The following SNX5 variants were observed in gnomAD, a reference collection of about 807,000 sequenced individuals.
SNX5 encodes the protein sorting nexin-5.
In SNX5, 31 loss-of-function variants were observed where a neutral mutation model predicts 53.9. The ratio of observed to expected loss-of-function variants is 0.58; its 90% CI spans 0.43 to 0.78. The LOEUF is 0.78. SNX5 is among the 30% of genes least tolerant of loss of function. The pLI is 0.00. For missense variants in SNX5, 471 were observed against 478.8 expected, an observed-to-expected ratio of 0.98 and a Z score of 0.15; for synonymous variants, 168 against 171.1, an observed-to-expected ratio of 0.98 and a Z score of 0.14.
Position 17,964,032 on chromosome 20 carries a change from C to T in SNX5, c.51+4343G>A, listed in dbSNP as rs540252586. On this transcript the variant is annotated intron_variant, in intron 1 of 12. Transcript: ENST00000377759. ...ATGGCCTGAGCTCAGGAGTTCGATA[C>T]CAGCTTGGGCAACACAGCAAGACTG... Among the ~76,000 whole-genome samples, 10 of 152,170 alleles carry T rather than the reference C, an allele frequency of 6.6e-5. No individual in the cohort carries two copies. The South Asian group carries it at 2.1e-3, about 32-fold the overall frequency.
intron 3 of SNX5, among the ~76,000 whole-genome samples, chr20:17,954,996 C>T (rs2035328338): frequency 6.6e-6 from 1 of 152,124 alleles, no homozygotes; most frequent in Non-Finnish European, 1.5e-5. Context: ...AAAGGCATGG[C>T]CTCCTTCAGC....
intron 11 of SNX5, chr20:17,945,093 C>G (rs751250665): frequency 6.6e-6 from 1 of 152,254 alleles, no homozygotes; most frequent in Non-Finnish European, 1.5e-5. Context: ...AACTACAATA[C>G]AAGCAGCCAC....
rs572122557 is a variant in SNX5, at chr20:17,949,276, G to A, written c.792-173C>T. Among the ~76,000 whole-genome samples, 3 of 152,252 alleles carry A rather than the reference G, an allele frequency of 2.0e-5. No individual in the cohort carries two copies. The South Asian group carries it at 6.2e-4, about 32-fold the overall frequency. On this transcript the variant is annotated intron_variant, in intron 8 of 12. Transcript: ENST00000377759. Reference sequence around the variant, plus strand: ...CTGACCCCAAATAGTAGAGAAAATGGTCACAAAATTACACACATGTACAGC... The same window carrying A: ...CTGACCCCAAATAGTAGAGAAAATGATCACAAAATTACACACATGTACAGC...
intron 3 of SNX5, 64 bp downstream of exon 3, chr20:17,955,301 T>C (rs1338671277): frequency 1.8e-6 from 2 of 1,142,308 alleles, no homozygotes; most frequent in Non-Finnish European, 2.6e-6. Flanking sequence ...GATATAAGTC[T>C]CTTTTAAACT....
chr20:17,963,328 C>T (rs1449032462), intron 1 of SNX5, among the ~76,000 whole-genome samples: 1 of 152,064 alleles, frequency 6.6e-6, no homozygotes, highest in Non-Finnish European at 1.5e-5. Flanking sequence ...CACCTAGGCT[C>T]GGTGGCCTAT....
chr20:17,952,507 A>C, intron 5 of SNX5, 80 bp downstream of exon 5: 8 of 1,354,852 alleles, frequency 5.9e-6, no homozygotes, highest in Non-Finnish European at 8.0e-6. Context: ...CAAAACTTTA[A>C]AGCAGTAGAA....
Position 17,968,480 on chromosome 20 carries a change from G to C in SNX5, c.-55C>G. On this transcript the variant is annotated 5_prime_UTR_variant, in exon 1 of 13. Transcript: ENST00000377759. ...TGGCTGTGCGAGGAAAGAAGAAGCT[G>C]GGCCGCCGCCGCCGCCGCCTGGGCG... 7.8e-7 allele frequency: 1 copy of C among 1,287,024 alleles called. No individual in the cohort carries two copies. The highest frequency in any genetic ancestry group is 3.1e-5 in the East Asian group (1 of 32,042). 79.7% of individuals were successfully genotyped at this position (1,287,024 alleles called of 1,614,324 possible). A position where few individuals can be genotyped will look rare whatever the true frequency, so the allele number is the denominator to read the frequency against.
chr20:17,947,448 T>A (rs2039501108), intron 11 of SNX5, 38 bp downstream of exon 11: 1 of 1,586,172 alleles, frequency 6.3e-7, no homozygotes, highest in African/African-American at 1.4e-5. Flanking sequence ...GAAATTATTT[T>A]CAAATTACAG....
chr20:17,951,074 T>G (rs530457104), intron 6 of SNX5: 1 of 161,320 alleles, frequency 6.2e-6, no homozygotes, highest in Non-Finnish European at 1.4e-5. Context: ...GCTAACGCCT[T>G]GAAATCCAGT....
In SNX5 at chr20:17,967,932, C is replaced by T. The variant is rs984141; in HGVS notation, c.51+443G>A. ...ATGCAATTTCCCAAGTTGTTTGGGC[C>T]CCCCCCCCAAAAAAGTCTTCTCAGT... On this transcript the variant is annotated intron_variant, in intron 1 of 12. Transcript: ENST00000377759. The T allele has an allele frequency of 0.01, 3,883 of 379,836 alleles. 220 individuals are homozygous for T. In the East Asian group the frequency reaches 0.12, roughly 12 times the overall value. 23.5% of individuals were successfully genotyped at this position (379,836 alleles called of 1,614,324 possible). A position where few individuals can be genotyped will look rare whatever the true frequency, so the allele number is the denominator to read the frequency against.
At chr20:17,947,892 G>T (rs199774714) in intron 10 of SNX5, among the ~76,000 whole-genome samples, 1 of 81,002 alleles carries the variant, frequency 1.2e-5, no homozygotes. Context: ...AAGGACTTTT[G>T]TTTTCCAGTA....
chr20:17,961,533 C>T, intron 1 of SNX5: 2 of 985,184 alleles, frequency 2.0e-6, no homozygotes, highest in Non-Finnish European at 2.4e-6. Flanking sequence ...CATTTGTATA[C>T]AATGTAAGAC....
At chr20:17,962,694 T>A (rs776816069) in intron 1 of SNX5, 1 of 517,704 alleles carries the variant, frequency 1.9e-6, no homozygotes, top group Non-Finnish European at 3.9e-6. Context: ...AATAAAAAAC[T>A]AAAGGGCTGC....
Position 17,968,522 on chromosome 20 carries a change from A to C in SNX5, c.-97T>G, listed in dbSNP as rs112283591. ...GCCTGGGCGCCTCTCGGGGGCGGCCACGGCCCCGCCTCCGCCGGCCTCCCT... is the reference window on the plus strand; with the variant it reads ...GCCTGGGCGCCTCTCGGGGGCGGCCCCGGCCCCGCCTCCGCCGGCCTCCCT... On this transcript the variant is annotated 5_prime_UTR_variant, in exon 1 of 13. Transcript: ENST00000377759. The C allele has an allele frequency of 1.7e-6, 2 of 1,142,942 alleles. No homozygotes were observed. The highest frequency in any genetic ancestry group is 3.2e-5 in the East Asian group (1 of 31,090). 70.8% of individuals were successfully genotyped at this position (1,142,942 alleles called of 1,614,324 possible).
rs1219363041 is a variant in SNX5, at chr20:17,941,830, G to A, written c.*527C>T. ...CGACTAAAAAAAGGAGGTGCAAAGA[G>A]TATATAAAGATAAATGAGATTTTCT... On this transcript the variant is annotated 3_prime_UTR_variant, in exon 13 of 13. Transcript: ENST00000377759. 6.5e-6 allele frequency: 1 copy of A among 153,286 alleles called. No individual in the cohort carries two copies. The highest frequency in any genetic ancestry group is 1.5e-5 in the Non-Finnish European group (1 of 68,912). 9.5% of individuals were successfully genotyped at this position (153,286 alleles called of 1,614,324 possible).
At chr20:17,963,703 AT>A (rs1270547972) in intron 1 of SNX5, among the ~76,000 whole-genome samples, 1 of 152,190 alleles carries the variant, frequency 6.6e-6, no homozygotes, top group Non-Finnish European at 1.5e-5. Flanking sequence ...GTTGAAGGAC[AT>A]TTACTGCCTT....
chr20:17,942,418 A>G lies in SNX5; in HGVS notation c.1165-11T>C. The G allele has an allele frequency of 6.2e-7, 1 of 1,607,968 alleles. No individual in the cohort carries two copies. The highest frequency in any genetic ancestry group is 1.3e-5 in the African/African-American group (1 of 74,840). ...AAGGGAGACATTGTTCTGTGGGGAA[A>G]AAAGGCAAGGCAGACCAGTGAATTA... is the stretch of plus-strand genomic sequence containing the variant. On this transcript the variant is annotated splice_polypyrimidine_tract_variant and intron_variant, in intron 12 of 12. Transcript: ENST00000377759.
intron 2 of SNX5, among the ~76,000 whole-genome samples, chr20:17,956,685 A>AAAAAC (rs2035363202): frequency 1.3e-5 from 1 of 74,084 alleles, no homozygotes; most frequent in South Asian, 7.4e-4. Context: ...AAAAAAAAAA[A>AAAAAC]AAAAAAAAAA....
At chr20:17,961,005 C>T (rs1045966441) in intron 1 of SNX5, 25 of 368,470 alleles carry the variant, frequency 6.8e-5, no homozygotes, top group South Asian at 6.7e-4. Flanking sequence ...TCAGCCTTCA[C>T]GGTAAACAAG....
Sources: gnomAD v4.1 joint callset for allele counts (sites outside exome capture counted in the v4.1 genomes callset) on GRCh38, gnomAD v4.1.1 for gene constraint, MANE v1.5 for transcripts, NCBI Gene and HGNC (gene_info 2026-07-23, HGNC 2026-07-21) for gene names.